Variants in SPEF2 observed in about 807,000 individuals in gnomAD.
SPEF2 encodes the protein sperm flagella and cilia-associated protein 2.
A neutral mutation model predicts 224.6 loss-of-function variants in SPEF2; 187 were observed. That is an observed-to-expected ratio of 0.83 (90% confidence interval 0.74 to 0.94). The LOEUF (loss-of-function observed/expected upper bound fraction) is 0.94, where lower values mean the gene tolerates loss of function less well. Among genes scored for constraint, SPEF2 ranks in the 40% least tolerant of loss-of-function variants. SPEF2 has a pLI of 0.00. For synonymous variants in SPEF2, 715 were observed against 707.3 expected, an observed-to-expected ratio of 1.01 and a Z score of -0.17; for missense variants, 2,170 against 2,135.6, an observed-to-expected ratio of 1.02 and a Z score of -0.32.
chr5:35,802,802 G>A (rs955981058), intron 34 of SPEF2, among the ~76,000 whole-genome samples: 3 of 152,184 alleles, frequency 2.0e-5, no homozygotes, highest in African/African-American at 7.2e-5. Flanking sequence ...AGGGAAGTGA[G>A]AGGGAGAGGA....
At chr5:35,764,483 G>A in intron 26 of SPEF2, 1 of 438,642 alleles carries the variant, frequency 2.3e-6, no homozygotes, top group South Asian at 1.6e-5. Flanking sequence ...GCCACACCAT[G>A]GGGAAGATAC....
At chr5:35,619,694 CAAA>C (rs1296697379) in intron 1 of SPEF2, among the ~76,000 whole-genome samples, 1 of 146,248 alleles carries the variant, frequency 6.8e-6, no homozygotes, top group East Asian at 1.9e-4. Context: ...AAACAAAAAA[CAAA>C]ACAAACAAAC....
chr5:35,670,068 G>A lies in SPEF2; in HGVS notation c.1365G>A (p.Pro455=), dbSNP rs746963231. ...TTTTTTTGTGCGATAGTCTGATTCC[G>A]TATAAGTTGATGCATGATTGGAAGG... The part of the protein sequence containing the change: ...DYRMLTNNLI[P]YKLMHDWKEL... The change falls in exon 10 of 37, where the codon CCG becomes CCA. Residue 455 remains proline (P), a synonymous_variant. Coordinates refer to ENST00000356031, the MANE Select transcript of SPEF2 (RefSeq NM_024867.4). 7.2e-5 allele frequency: 115 copies of A among 1,600,276 alleles called. No homozygotes were observed. Among genetic ancestry groups the A allele is most frequent in the Non-Finnish European group, 9.0e-5 (106 of 1,174,668 alleles).
In SPEF2 at chr5:35,700,614, A is replaced by T; in HGVS notation, c.2260A>T (p.Lys754Ter). 6.2e-7 allele frequency: 1 copy of T among 1,613,978 alleles called. No individual in the cohort carries two copies. The change falls in exon 16 of 37, where the codon AAA (lysine) becomes TAA (stop). Residue 754 changes from lysine (K) to a stop codon, truncating the protein, a stop_gained. Transcript: ENST00000356031. LOFTEE classifies it high-confidence loss of function. The stretch of plus-strand genomic sequence containing the variant: ...TAGAAACCTCACAGAAGTGGAAAGA[A>T]AAAAAGCACAAAAATCCACATTGGC... ...CNRNLTEVER[K>*]KAQKSTLAID...
intron 20 of SPEF2, among the ~76,000 whole-genome samples, chr5:35,721,882 CT>C (rs1317227198): frequency 1.3e-5 from 2 of 152,216 alleles, no homozygotes; most frequent in Non-Finnish European, 2.9e-5. Context: ...GGTTATGCCC[CT>C]AGGATGTAAA....
intron 10 of SPEF2, among the ~76,000 whole-genome samples, chr5:35,683,403 T>C (rs747851039): frequency 3.3e-5 from 5 of 152,104 alleles, no homozygotes; most frequent in Non-Finnish European, 7.4e-5. Flanking sequence ...GGTGGGTGGA[T>C]CGTTTGAGTT....
intron 9 of SPEF2, among the ~76,000 whole-genome samples, chr5:35,668,001 A>C (rs1750746206): frequency 6.6e-6 from 1 of 152,162 alleles, no homozygotes; most frequent in African/African-American, 2.4e-5. Context: ...ATTTTTAAAA[A>C]AATGAAAACA....
At chr5:35,719,517 C>T (rs1021009305) in intron 20 of SPEF2, among the ~76,000 whole-genome samples, 5 of 152,166 alleles carry the variant, frequency 3.3e-5, no homozygotes, top group African/African-American at 1.2e-4. Context: ...TAAAGCCAAG[C>T]CCAACCATGG....
chr5:35,705,204 G>A (rs10060167), intron 17 of SPEF2, among the ~76,000 whole-genome samples: 81,490 of 151,784 alleles, frequency 0.54, 22,301 homozygotes, highest in African/African-American at 0.56. Context: ...AGTTTCAAGA[G>A]TTATTCCAAT....
At chr5:35,705,846 T>G in intron 18 of SPEF2, 38 bp downstream of exon 18, 2 of 1,297,186 alleles carry the variant, frequency 1.5e-6, no homozygotes, top group Non-Finnish European at 2.1e-6. Context: ...TTTAGGCAAC[T>G]AAAATGTGTG....
chr5:35,664,008 G>A (rs1313381000), intron 8 of SPEF2, among the ~76,000 whole-genome samples: 2 of 152,114 alleles, frequency 1.3e-5, no homozygotes, highest in African/African-American at 4.8e-5. Flanking sequence ...GGCCACATTG[G>A]TTTGCTCTCA....
At chr5:35,727,377 G>A (rs767309545) in intron 20 of SPEF2, among the ~76,000 whole-genome samples, 1 of 152,184 alleles carries the variant, frequency 6.6e-6, no homozygotes, top group African/African-American at 2.4e-5. Context: ...TTGTTCTAGA[G>A]TCTAAACTTT....
intron 29 of SPEF2, among the ~76,000 whole-genome samples, chr5:35,776,966 A>G (rs1753688547): frequency 6.6e-6 from 1 of 152,170 alleles, no homozygotes; most frequent in Non-Finnish European, 1.5e-5. Context: ...CAGCAGAGTG[A>G]GTCATGATTG....
At chr5:35,785,014 T>C (rs548258363) in intron 30 of SPEF2, among the ~76,000 whole-genome samples, 1 of 152,328 alleles carries the variant, frequency 6.6e-6, no homozygotes, top group East Asian at 1.9e-4. Flanking sequence ...ATTATAAAAA[T>C]ACAATATTAT....
At chr5:35,783,347 T>A (rs1754607667) in intron 30 of SPEF2, among the ~76,000 whole-genome samples, 1 of 152,198 alleles carries the variant, frequency 6.6e-6, no homozygotes, top group African/African-American at 2.4e-5. Flanking sequence ...TCTCTCTGCC[T>A]CAGTTACCAC....
At chr5:35,734,114 TA>T (rs1483893660) in intron 21 of SPEF2, among the ~76,000 whole-genome samples, 1 of 152,088 alleles carries the variant, frequency 6.6e-6, no homozygotes, top group African/African-American at 2.4e-5. Context: ...CAAGAACTAA[TA>T]AAGGCTTGAA....
intron 29 of SPEF2, among the ~76,000 whole-genome samples, chr5:35,778,748 A>T (rs370413530): frequency 3.3e-5 from 5 of 152,186 alleles, no homozygotes; most frequent in Non-Finnish European, 7.4e-5. Flanking sequence ...GTATTATGCC[A>T]TATAACCTTA....
chr5:35,814,368 C>A, intron 36 of SPEF2, 96 bp from the exon 37 acceptor site: 1 of 575,086 alleles, frequency 1.7e-6, no homozygotes, highest in Non-Finnish European at 2.8e-6. Context: ...TTAATGGTTG[C>A]CATGTACTAT....
chr5:35,767,554 T>G (rs1752250356), intron 26 of SPEF2, among the ~76,000 whole-genome samples: 1 of 151,982 alleles, frequency 6.6e-6, no homozygotes, highest in Admixed American at 6.6e-5. Context: ...TGTGTGCTAT[T>G]TCCAAGCTAA....
Sources: allele counts gnomAD v4.1 joint callset (sites outside exome capture counted in the v4.1 genomes callset), GRCh38; gene constraint gnomAD v4.1.1; transcripts MANE v1.5; gene names NCBI Gene and HGNC (gene_info 2026-07-23, HGNC 2026-07-21).